RAB29: variants seen among roughly 807,000 people sequenced by gnomAD.
RAB29 encodes ras-related protein Rab-29.
Under a neutral mutation model 25.5 loss-of-function variants are expected in RAB29, and 13 were observed. That is an observed-to-expected ratio of 0.51 (90% CI 0.33 to 0.81). The LOEUF (loss-of-function observed/expected upper bound fraction) is 0.81, where lower values mean the gene tolerates loss of function less well. Among genes scored for constraint, RAB29 ranks in the 30% least tolerant of loss-of-function variants. The probability of loss-of-function intolerance (pLI) is 0.02; values close to 1 mark genes in which losing one functional copy is unlikely to be tolerated. For missense variants in RAB29, 201 were observed against 254.9 expected, an observed-to-expected ratio of 0.79 and a Z score of 1.44; for synonymous variants, 88 against 95.0, an observed-to-expected ratio of 0.93 and a Z score of 0.43.
chr1:205,773,311 A>G (rs1420389613), intron 2 of RAB29, among the ~76,000 whole-genome samples: 1 of 67,986 alleles, frequency 1.5e-5, no homozygotes, highest in Non-Finnish European at 3.7e-5. Flanking sequence ...GGAAATTTAG[A>G]CTAAACACTG....
rs1200201395 is a variant in RAB29 at position 205,770,738 on chromosome 1, A to G, written c.495T>C (p.Ala165=). 1.2e-6 allele frequency: 2 copies of G among 1,614,076 alleles called. No individual in the cohort carries two copies. The highest frequency in any genetic ancestry group is 1.1e-5 in the South Asian group (1 of 91,090). Residue 165 remains alanine, a synonymous_variant, in exon 5 of 6, where the codon GCT becomes GCC. Coordinates refer to ENST00000367139, the MANE Select transcript of RAB29 (RefSeq NM_003929.3). The part of the protein sequence containing the change: ...SVKENKNINE[A]MRVLIEKMMR... ...TATCAGCATGAGCTACTTACCTCAT[A>G]GCCTCATTAATATTTTTGTTCTCCT...
chr1:205,770,789 G>A lies in RAB29; in HGVS notation c.444C>T (p.Phe148=). Residue 148 remains phenylalanine, a synonymous_variant, in exon 5 of 6, where the codon TTC becomes TTT. Transcript: ENST00000367139. ...QIDRFSKENG[F]TGWTETSVKE... is the part of the protein sequence containing the mutation. ...TGACTGATGTTTCTGTCCAACCTGT[G>A]AAACCGTTCTCTTTACTGAACCGGT... 1 of 1,614,138 alleles carries A rather than the reference G, an allele frequency of 6.2e-7. No individual in the cohort carries two copies. The highest frequency in any genetic ancestry group is 8.5e-7 in the Non-Finnish European group (1 of 1,180,026).
chr1:205,770,291 A>C lies in RAB29; in HGVS notation c.*51T>G. Reference sequence around the variant, plus strand: ...ATTGTCAGGTGGGCAACCAAAGGGAAGAGACTTAAAAGACCTCCCAGAACT... The same window carrying C: ...ATTGTCAGGTGGGCAACCAAAGGGACGAGACTTAAAAGACCTCCCAGAACT... On this transcript the variant is annotated 3_prime_UTR_variant, in exon 6 of 6. Coordinates refer to ENST00000367139, the MANE Select transcript of RAB29 (RefSeq NM_003929.3). 3 of 1,474,420 alleles carry C rather than the reference A, an allele frequency of 2.0e-6. No individual in the cohort carries two copies. The highest frequency in any genetic ancestry group is 2.8e-6 in the Non-Finnish European group (3 of 1,054,080). 91.3% of individuals were successfully genotyped at this position (1,474,420 alleles called of 1,614,324 possible). A position where few individuals can be genotyped will look rare whatever the true frequency, so the allele number is the denominator to read the frequency against.
intron 2 of RAB29, 38 bp downstream of exon 2, chr1:205,774,795 T>TA: frequency 8.1e-6 from 7 of 860,520 alleles, no homozygotes; most frequent in African/African-American, 1.7e-5. Flanking sequence ...CGGGGCCTCC[T>TA]CCTCCCCCTC....
At chr1:205,773,093 G>T (rs1655107811) in intron 2 of RAB29, among the ~76,000 whole-genome samples, 2 of 152,132 alleles carry the variant, frequency 1.3e-5, no homozygotes, top group Non-Finnish European at 2.9e-5. Context: ...AATGGAAAAG[G>T]TCCCAGAGGA....
chr1:205,770,397 G>C lies in RAB29; in HGVS notation c.557C>G (p.Thr186Ser). The C allele has an allele frequency of 6.2e-7, 1 of 1,614,206 alleles. No homozygotes were observed. The highest frequency in any genetic ancestry group is 8.5e-7 in the Non-Finnish European group (1 of 1,180,034). ...TTGTAGATTGATGTAGTCCCCTTGGGTGGACAAAGACATGATATCTTCTGT... is the reference window on the plus strand; with the variant it reads ...TTGTAGATTGATGTAGTCCCCTTGGCTGGACAAAGACATGATATCTTCTGT... ...NSTEDIMSLSTQGDYINLQTK... is the reference protein window; with the variant it reads ...NSTEDIMSLSSQGDYINLQTK... Residue 186 changes from threonine (T) to serine (S), a missense_variant, in exon 6 of 6, where the codon ACC (threonine) becomes AGC (serine). Coordinates refer to ENST00000367139, the MANE Select transcript of RAB29 (RefSeq NM_003929.3).
intron 2 of RAB29, among the ~76,000 whole-genome samples, chr1:205,774,279 G>A (rs1017818603): frequency 1.3e-5 from 2 of 152,196 alleles, no homozygotes; most frequent in Non-Finnish European, 2.9e-5. Context: ...GGGCTCGTTC[G>A]GGGATTTTGT....
intron 4 of RAB29, chr1:205,771,083 G>T: frequency 1.9e-6 from 1 of 518,148 alleles, no homozygotes; most frequent in Non-Finnish European, 3.4e-6. Flanking sequence ...CAGATCATGA[G>T]GTCAGGAGAG....
intron 2 of RAB29, 38 bp downstream of exon 2, chr1:205,774,795 T>TGCAA: frequency 5.8e-6 from 5 of 860,516 alleles, no homozygotes; most frequent in Non-Finnish European, 9.2e-6. Flanking sequence ...CGGGGCCTCC[T>TGCAA]CCTCCCCCTC....
In RAB29 at chr1:205,770,279, C is replaced by A; in HGVS notation, c.*63G>T. ...GTACTTAATAAAATTGTCAGGTGGGCAACCAAAGGGAAGAGACTTAAAAGA... is the reference window on the plus strand; with the variant it reads ...GTACTTAATAAAATTGTCAGGTGGGAAACCAAAGGGAAGAGACTTAAAAGA... On this transcript the variant is annotated 3_prime_UTR_variant, in exon 6 of 6. Transcript: ENST00000367139. 3.6e-6 allele frequency: 5 copies of A among 1,375,298 alleles called. No homozygotes were observed. The Admixed American group carries it at 5.1e-5, about 14-fold the overall frequency. The allele number at this position is 1,375,298 out of a possible 1,614,324, so 85.2% of individuals were successfully genotyped here.
chr1:205,772,963 T>TA, intron 2 of RAB29, among the ~76,000 whole-genome samples: 1 of 152,328 alleles, frequency 6.6e-6, no homozygotes, highest in Non-Finnish European at 1.5e-5. Flanking sequence ...TGCTTTCGTA[T>TA]CTTCCACATT....
At position 205,774,991 on chromosome 1, in the gene RAB29, G is replaced by A. The variant is rs750676694; in HGVS notation, c.-35C>T. 6.2e-7 allele frequency: 1 copy of A among 1,611,492 alleles called. No individual in the cohort carries two copies. The highest frequency in any genetic ancestry group is 1.3e-5 in the African/African-American group (1 of 74,936). On this transcript the variant is annotated 5_prime_UTR_variant, in exon 2 of 6. Coordinates refer to ENST00000367139, the MANE Select transcript of RAB29 (RefSeq NM_003929.3). ...GGTGTGCGTTTTAGGGAGGCGGGAA[G>A]TGTGGTCGGGGATCGGGGGTCGCTC...
At position 205,770,325 on chromosome 1, in the gene RAB29, A is replaced by G. The variant is rs774671431; in HGVS notation, c.*17T>C. ...AAAGACCTCCCAGAACTGGGATGGA[A>G]AATAAGCCAAACACTACTAGCAGCA... On this transcript the variant is annotated 3_prime_UTR_variant, in exon 6 of 6. Transcript: ENST00000367139. The G allele has an allele frequency of 6.2e-7, 1 of 1,604,554 alleles. No individual in the cohort carries two copies. The highest frequency in any genetic ancestry group is 1.7e-5 in the Admixed American group (1 of 60,010).
Position 205,769,632 on chromosome 1 carries a change from C to T in RAB29, c.*710G>A. ...TTAGTAGAGACGGGGTTTTGCCATG[C>T]TGACCAGGTTGGTCTCGAATTCCTG... is the stretch of plus-strand genomic sequence containing the variant. On this transcript the variant is annotated 3_prime_UTR_variant, in exon 6 of 6. Coordinates refer to ENST00000367139, the MANE Select transcript of RAB29 (RefSeq NM_003929.3). 1 of 152,670 alleles carries T rather than the reference C, an allele frequency of 6.6e-6. No individual in the cohort carries two copies. The highest frequency in any genetic ancestry group is 1.5e-5 in the Non-Finnish European group (1 of 68,354). 9.5% of individuals were successfully genotyped at this position (152,670 alleles called of 1,614,324 possible).
rs541362830 is a variant in RAB29 at position 205,771,107 on chromosome 1, G to A, written c.379-253C>T. The A allele has an allele frequency of 8.3e-4, 398 of 481,178 alleles. 2 individuals carry two copies. Among genetic ancestry groups the A allele is most frequent in the South Asian group, 7.9e-3 (384 of 48,388 alleles). The allele number at this position is 481,178 out of a possible 1,614,324, so 29.8% of individuals were successfully genotyped here. A position where few individuals can be genotyped will look rare whatever the true frequency, so the allele number is the denominator to read the frequency against. On this transcript the variant is annotated intron_variant, in intron 4 of 5. Coordinates refer to ENST00000367139, the MANE Select transcript of RAB29 (RefSeq NM_003929.3). The stretch of plus-strand genomic sequence containing the variant: ...AGGTCAGGAGAGCGAGACCATCCTG[G>A]CTAACACAATGAAACCCAGTCTCTA...
At chr1:205,770,965 CCAGCAT>C in intron 4 of RAB29, 111 bp from the exon 5 acceptor site, 1 of 1,347,344 alleles carries the variant, frequency 7.4e-7, no homozygotes, top group Non-Finnish European at 1.0e-6. Context: ...GATAAGAACA[CCAGCAT>C]CGGAAATCTA....
rs1047018301 is a variant in RAB29, at chr1:205,768,238, C to A, written c.*2104G>T. Reference sequence around the variant, plus strand: ...CCACCGAAGGTTTGGTCCCTTTTCTCTCTGATATGTGGCCTCTGATCTCTT... The same window carrying A: ...CCACCGAAGGTTTGGTCCCTTTTCTATCTGATATGTGGCCTCTGATCTCTT... On this transcript the variant is annotated 3_prime_UTR_variant, in exon 6 of 6. Transcript: ENST00000367139. 6.6e-6 allele frequency: 1 copy of A among 152,200 alleles called. No individual in the cohort carries two copies. The highest frequency in any genetic ancestry group is 2.4e-5 in the African/African-American group (1 of 41,432). The allele number at this position is 152,200 out of a possible 1,614,324, so 9.4% of individuals were successfully genotyped here.
intron 2 of RAB29, among the ~76,000 whole-genome samples, chr1:205,773,256 T>G (rs1187445873): frequency 6.6e-6 from 1 of 152,200 alleles, no homozygotes; most frequent in Non-Finnish European, 1.5e-5. Context: ...TTTCTGAGGT[T>G]TGGAAATATT....
intron 2 of RAB29, 65 bp downstream of exon 2, chr1:205,774,768 C>A: frequency 6.6e-7 from 1 of 1,523,742 alleles, no homozygotes. Flanking sequence ...CTTGGGTCCC[C>A]AGCTCGAGTC....
Sources: gnomAD v4.1 joint callset for allele counts (sites outside exome capture counted in the v4.1 genomes callset) on GRCh38, gnomAD v4.1.1 for gene constraint, MANE v1.5 for transcripts, NCBI Gene and HGNC (gene_info 2026-07-23, HGNC 2026-07-21) for gene names.